The following DPY19L2 variants were observed in gnomAD, a reference collection of about 807,000 sequenced individuals.
The protein encoded by DPY19L2 is dpy-19 like 2.
DPY19L2 carries 34 observed loss-of-function variants against 97.9 expected under a neutral mutation model. The observed-to-expected ratio is 0.35, with a 90% CI of 0.26 to 0.46. The LOEUF is 0.46. Ranked by LOEUF, DPY19L2 falls within the 20% of genes least tolerant of loss-of-function variation. DPY19L2 has a pLI of 1.00. For missense variants in DPY19L2, 623 were observed against 911.4 expected, an observed-to-expected ratio of 0.68 and a Z score of 4.07; for synonymous variants, 230 against 307.9, an observed-to-expected ratio of 0.75 and a Z score of 2.65.
At chr12:63,623,184 A>G (rs1888976342) in intron 8 of DPY19L2, among the ~76,000 whole-genome samples, 1 of 151,170 alleles carries the variant, frequency 6.6e-6, no homozygotes, top group Non-Finnish European at 1.5e-5. Context: ...TTTTTTGTTC[A>G]TTTCTCAGAC....
chr12:63,667,407 G>GAA (rs540515229), intron 1 of DPY19L2, among the ~76,000 whole-genome samples: 1 of 151,562 alleles, frequency 6.6e-6, no homozygotes, highest in Non-Finnish European at 1.5e-5. Flanking sequence ...TACCACATCT[G>GAA]AAAAAAAATG....
chr12:63,577,065 T>C (rs1394911486), intron 19 of DPY19L2, among the ~76,000 whole-genome samples: 2 of 152,054 alleles, frequency 1.3e-5, no homozygotes, highest in Admixed American at 6.6e-5. Context: ...CAAAACATCA[T>C]GGTACTGCCA....
chr12:63,587,933 C>A (rs2137419309), intron 16 of DPY19L2, among the ~76,000 whole-genome samples: 1 of 152,198 alleles, frequency 6.6e-6, no homozygotes, highest in Non-Finnish European at 1.5e-5. Flanking sequence ...GATCAAAACT[C>A]AAATCACAGA....
chr12:63,588,591 T>A (rs1277599413), intron 16 of DPY19L2, among the ~76,000 whole-genome samples: 2 of 151,960 alleles, frequency 1.3e-5, no homozygotes, highest in Non-Finnish European at 2.9e-5. Context: ...TATATAATAA[T>A]CCCCAAAATA....
At chr12:63,616,261 T>A (rs889711601) in intron 11 of DPY19L2, among the ~76,000 whole-genome samples, 19 of 152,274 alleles carry the variant, frequency 1.2e-4, no homozygotes, top group African/African-American at 3.6e-4. Flanking sequence ...CTGTACTATA[T>A]TTCAAAATAA....
chr12:63,612,624 G>A (rs1334074649), intron 11 of DPY19L2, among the ~76,000 whole-genome samples: 7 of 144,406 alleles, frequency 4.8e-5, no homozygotes, highest in South Asian at 2.2e-4. Context: ...AAAAGGACTA[G>A]GAAAAAAGGA....
At chr12:63,659,803 C>T (rs373124547) in intron 4 of DPY19L2, among the ~76,000 whole-genome samples, 1 of 152,046 alleles carries the variant, frequency 6.6e-6, no homozygotes, top group Non-Finnish European at 1.5e-5. Flanking sequence ...TAGCTTCATA[C>T]ATTTGTCAAA....
intron 6 of DPY19L2, among the ~76,000 whole-genome samples, chr12:63,626,846 T>A (rs1317746002): frequency 6.6e-6 from 1 of 152,106 alleles, no homozygotes; most frequent in East Asian, 1.9e-4. Flanking sequence ...TGTCGAAATC[T>A]CAGCTTACAG....
At chr12:63,614,178 G>T (rs3884024) in intron 11 of DPY19L2, among the ~76,000 whole-genome samples, 1 of 127,672 alleles carries the variant, frequency 7.8e-6, no homozygotes, top group Non-Finnish European at 1.6e-5. Flanking sequence ...CAACAAGAGC[G>T]AAACTCCGTC....
At chr12:63,639,263 C>G (rs911947044) in intron 6 of DPY19L2, among the ~76,000 whole-genome samples, 12 of 152,132 alleles carry the variant, frequency 7.9e-5, no homozygotes, top group African/African-American at 2.9e-4. Flanking sequence ...AGAAGAAAAC[C>G]TAGGCCATTC....
intron 6 of DPY19L2, among the ~76,000 whole-genome samples, chr12:63,638,730 C>A (rs1565820246): frequency 6.6e-6 from 1 of 152,140 alleles, no homozygotes. Context: ...AAAAGCATAC[C>A]ATGCTCCTGG....
At chr12:63,628,238 G>T (rs1022122928) in intron 6 of DPY19L2, among the ~76,000 whole-genome samples, 1 of 152,130 alleles carries the variant, frequency 6.6e-6, no homozygotes, top group African/African-American at 2.4e-5. Context: ...TGGGTGCAGC[G>T]CACCGAGCAT....
At chr12:63,613,697 AGAAG>A (rs1887380984) in intron 11 of DPY19L2, among the ~76,000 whole-genome samples, 2 of 152,088 alleles carry the variant, frequency 1.3e-5, no homozygotes, top group Admixed American at 1.3e-4. Flanking sequence ...ATAAAAAACT[AGAAG>A]GAATATGAGG....
chr12:63,657,437 A>C (rs1895110164), intron 4 of DPY19L2, among the ~76,000 whole-genome samples: 1 of 152,172 alleles, frequency 6.6e-6, no homozygotes, highest in African/African-American at 2.4e-5. Flanking sequence ...GAAGAGTGAC[A>C]GGTTTTCTGA....
At chr12:63,616,622 A>G (rs1887874297) in intron 11 of DPY19L2, among the ~76,000 whole-genome samples, 2 of 152,136 alleles carry the variant, frequency 1.3e-5, no homozygotes, top group African/African-American at 4.8e-5. Context: ...GATTTACTAA[A>G]CCACCCTTCC....
intron 13 of DPY19L2, among the ~76,000 whole-genome samples, chr12:63,598,770 G>A (rs1329368291): frequency 6.6e-6 from 1 of 151,928 alleles, no homozygotes; most frequent in Non-Finnish European, 1.5e-5. Flanking sequence ...TAGGCCTGGT[G>A]ACTAACAGTA....
intron 6 of DPY19L2, among the ~76,000 whole-genome samples, chr12:63,629,681 G>T (rs2137911993): frequency 6.6e-6 from 1 of 152,202 alleles, no homozygotes; most frequent in Admixed American, 6.5e-5. Context: ...GTCTAGCAAG[G>T]CAGGCCAACA....
intron 12 of DPY19L2, among the ~76,000 whole-genome samples, chr12:63,607,996 G>A (rs1296111011): frequency 6.6e-6 from 1 of 152,164 alleles, no homozygotes; most frequent in African/African-American, 2.4e-5. Flanking sequence ...TCTGTCTCCT[G>A]TAAGAGAATT....
In DPY19L2 at chr12:63,644,755, G is replaced by A. The variant is rs1893175627; in HGVS notation, c.710-259C>T. ...ACGTATGTAAGCTCACCCTTAATGA[G>A]TGATTATATAGTTACACTTATACTT... On this transcript the variant is annotated intron_variant, in intron 5 of 21. Transcript: ENST00000324472. Among the ~76,000 whole-genome samples the A allele has an allele frequency of 1.3e-5, 2 of 151,934 alleles. 1 individual carries two copies. The highest frequency in any genetic ancestry group is 4.2e-4 in the South Asian group (2 of 4,812).
Sources: gnomAD v4.1 joint callset for allele counts (sites outside exome capture counted in the v4.1 genomes callset) on GRCh38, gnomAD v4.1.1 for gene constraint, MANE v1.5 for transcripts, NCBI Gene and HGNC (gene_info 2026-07-23, HGNC 2026-07-21) for gene names.